Variants in KCNIP1 observed in about 807,000 individuals in gnomAD.
KCNIP1 encodes potassium voltage-gated channel interacting protein 1, also known as A-type potassium channel modulatory protein KCNIP1.
A neutral mutation model predicts 33.0 loss-of-function variants in KCNIP1; 18 were observed. That is an observed-to-expected ratio of 0.55 (90% CI 0.38 to 0.81). The LOEUF (loss-of-function observed/expected upper bound fraction) is 0.81. Ranked by LOEUF, KCNIP1 falls within the 30% of genes least tolerant of loss-of-function variation. The pLI is 0.00. For synonymous variants in KCNIP1, 93 were observed against 98.3 expected (o/e 0.95, Z 0.32); for missense variants, 238 against 271.6 (o/e 0.88, Z 0.87).
At chr5:170,576,468 A>G (rs1426410044) in intron 1 of KCNIP1, among the ~76,000 whole-genome samples, 3 of 152,208 alleles carry the variant, frequency 2.0e-5, no homozygotes, top group Non-Finnish European at 2.9e-5. Flanking sequence ...CCATTTCTTA[A>G]TAGGTAACTG....
upstream of KCNIP1, among the ~76,000 whole-genome samples, chr5:170,503,632 C>T (rs137913234): frequency 1.3e-5 from 2 of 151,896 alleles, no homozygotes; most frequent in Non-Finnish European, 2.9e-5. Context: ...TGAGTTCAGG[C>T]AGTGGGTTAA....
intron 1 of KCNIP1, among the ~76,000 whole-genome samples, chr5:170,488,158 C>T (rs1757136759): frequency 6.6e-6 from 1 of 152,182 alleles, no homozygotes; most frequent in Admixed American, 6.5e-5. Flanking sequence ...TCTCACCAAA[C>T]CAGCAGTTCT....
intron 1 of KCNIP1, among the ~76,000 whole-genome samples, chr5:170,634,108 TGCAGGGTTATTGGTCTGA>T (rs892537433): frequency 2.2e-4 from 34 of 152,224 alleles, no homozygotes; most frequent in Middle Eastern, 3.4e-3. Flanking sequence ...CCGGAATGAC[TGCAGGGTTATTGGTCTGA>T]GCAGGGTTAT....
At chr5:170,381,740 A>G (rs1299146688) in intron 1 of KCNIP1, among the ~76,000 whole-genome samples, 1 of 152,204 alleles carries the variant, frequency 6.6e-6, no homozygotes, top group African/African-American at 2.4e-5. Flanking sequence ...TCTCAGGACC[A>G]GGGAGGCAGC....
chr5:170,411,608 T>G (rs1268897221), intron 1 of KCNIP1, among the ~76,000 whole-genome samples: 1 of 149,974 alleles, frequency 6.7e-6, no homozygotes, highest in African/African-American at 2.5e-5. Context: ...AACATTTTTT[T>G]TCTTTTTTGA....
intron 1 of KCNIP1, among the ~76,000 whole-genome samples, chr5:170,664,817 G>A (rs925291233): frequency 1.3e-5 from 2 of 152,098 alleles, no homozygotes; most frequent in Non-Finnish European, 2.9e-5. Context: ...AGAGCATGGG[G>A]GCATTGATGT....
intron 1 of KCNIP1, among the ~76,000 whole-genome samples, chr5:170,611,359 C>A (rs1001419587): frequency 1.2e-4 from 18 of 152,224 alleles, no homozygotes; most frequent in African/African-American, 3.9e-4. Flanking sequence ...CTGCTCATTT[C>A]TCTCCCCTGG....
At chr5:170,530,497 C>T (rs944854246) in intron 1 of KCNIP1, among the ~76,000 whole-genome samples, 5 of 152,178 alleles carry the variant, frequency 3.3e-5, no homozygotes, top group African/African-American at 1.2e-4. Context: ...CCCTCTGGCC[C>T]CCTCAACACC....
At chr5:170,525,273 C>T (rs1387884861) in intron 1 of KCNIP1, among the ~76,000 whole-genome samples, 2 of 152,222 alleles carry the variant, frequency 1.3e-5, no homozygotes, top group Admixed American at 1.3e-4. Context: ...CACCCCTACT[C>T]CCGCACTTAG....
intron 1 of KCNIP1, among the ~76,000 whole-genome samples, chr5:170,400,763 C>T (rs1015488112): frequency 1.3e-5 from 2 of 152,148 alleles, no homozygotes; most frequent in African/African-American, 2.4e-5. Flanking sequence ...ACCTTAGAGC[C>T]GAAACCCCCA....
chr5:170,372,206 C>T (rs1265209752), intron 1 of KCNIP1, among the ~76,000 whole-genome samples: 2 of 151,596 alleles, frequency 1.3e-5, no homozygotes, highest in African/African-American at 2.4e-5. Flanking sequence ...ACTATTGACA[C>T]TTACTATTAC....
At chr5:170,387,144 C>T (rs1166257060) in intron 1 of KCNIP1, among the ~76,000 whole-genome samples, 1 of 152,048 alleles carries the variant, frequency 6.6e-6, no homozygotes, top group Non-Finnish European at 1.5e-5. Flanking sequence ...ACCAAAAATA[C>T]CAGGAAGCTA....
chr5:170,685,834 A>G (rs1296897945), intron 1 of KCNIP1, among the ~76,000 whole-genome samples: 1 of 152,214 alleles, frequency 6.6e-6, no homozygotes, highest in African/African-American at 2.4e-5. Context: ...AGATTCTGGG[A>G]GGAAACAAGG....
intron 1 of KCNIP1, among the ~76,000 whole-genome samples, chr5:170,597,926 T>C (rs1441577992): frequency 6.6e-6 from 1 of 151,886 alleles, no homozygotes; most frequent in Non-Finnish European, 1.5e-5. Flanking sequence ...GAATCCGATT[T>C]CAAAAGCTGT....
At chr5:170,500,880 G>A (rs2113222949), upstream of KCNIP1, among the ~76,000 whole-genome samples, 1 of 152,314 alleles carries the variant, frequency 6.6e-6, no homozygotes, top group South Asian at 2.1e-4. Flanking sequence ...GTGAATGAAT[G>A]AATCTTCACT....
chr5:170,634,479 C>T (rs954942592), intron 1 of KCNIP1, among the ~76,000 whole-genome samples: 4 of 152,178 alleles, frequency 2.6e-5, no homozygotes, highest in East Asian at 1.9e-4. Context: ...AACCACACTT[C>T]GAGTAGCACC....
chr5:170,504,617 A>C lies in KCNIP1; in HGVS notation c.45A>C (p.Gln15His). The C allele has an allele frequency of 6.2e-7, 1 of 1,613,108 alleles. No homozygotes were observed. Among genetic ancestry groups the C allele is most frequent in the Non-Finnish European group, 8.5e-7 (1 of 1,179,398 alleles). ...MGTFSSLQTK[Q>H]RRPSKDKIED... ...CCTTCTCATCTCTGCAAACCAAACA[A>C]AGGCGACCCTCGAAAGGTAAGCCAC... The change falls in exon 1 of 8, where the codon CAA (glutamine) becomes CAC (histidine). Residue 15 changes from glutamine to histidine, a missense_variant. Gln to His is a conservative substitution (Grantham distance 24, BLOSUM62 0). Transcript: ENST00000328939. This position sits in a 1 kb window ranked among gnomAD's most constrained non-coding sequence, Gnocchi z 6.0.
chr5:170,689,694 T>G (rs2113812167), intron 1 of KCNIP1, among the ~76,000 whole-genome samples: 1 of 152,256 alleles, frequency 6.6e-6, no homozygotes, highest in East Asian at 1.9e-4. Context: ...GAACAGGTTG[T>G]GCATTCAAAG....
chr5:170,381,828 G>T (rs189169423), intron 1 of KCNIP1, among the ~76,000 whole-genome samples: 1 of 152,334 alleles, frequency 6.6e-6, no homozygotes, highest in African/African-American at 2.4e-5. Flanking sequence ...CTTGCATTGG[G>T]ATAAATCAAG....
Sources: gnomAD v4.1 joint callset for allele counts (sites outside exome capture counted in the v4.1 genomes callset) on GRCh38, gnomAD v4.1.1 for gene constraint, Gnocchi (gnomAD v3.1) non-coding constraint, MANE v1.5 for transcripts, NCBI Gene and HGNC (gene_info 2026-07-23, HGNC 2026-07-21) for gene names.